The following NDUFB5 variants were observed in gnomAD, a reference collection of about 807,000 sequenced individuals.
The protein encoded by NDUFB5 is NADH:ubiquinone oxidoreductase subunit B5, also known as NADH dehydrogenase [ubiquinone] 1 beta subcomplex subunit 5, mitochondrial.
In NDUFB5, 19 loss-of-function variants were observed where a neutral mutation model predicts 19.4. The ratio of observed to expected loss-of-function variants is 0.98; its 90% CI spans 0.68 to 1.43. The LOEUF is 1.43. NDUFB5 is among the 40% of genes most tolerant of loss of function. The pLI is 0.00. For synonymous variants in NDUFB5, 80 were observed against 82.6 expected, an observed-to-expected ratio of 0.97 and a Z score of 0.17; for missense variants, 233 against 236.5, an observed-to-expected ratio of 0.99 and a Z score of 0.10.
chr3:179,606,378 G>T lies in NDUFB5; in HGVS notation c.124+1439G>T, dbSNP rs182583200. Among the ~76,000 whole-genome samples the T allele has an allele frequency of 3.6e-3, 541 of 151,532 alleles. 3 individuals are homozygous for T. Among genetic ancestry groups the T allele is most frequent in the South Asian group, 0.018 (84 of 4,792 alleles). ...TTTCAAGACGGAGTCTTGCTCTGTT[G>T]CCCAGGCTGGAGTGCAATGGCGTGA... is the stretch of plus-strand genomic sequence containing the variant. On this transcript the variant is annotated intron_variant, in intron 1 of 5. Transcript: ENST00000259037.
At chr3:179,612,480 T>C (rs1484431049) in intron 1 of NDUFB5, among the ~76,000 whole-genome samples, 1 of 147,914 alleles carries the variant, frequency 6.8e-6, no homozygotes, top group Non-Finnish European at 1.5e-5. Context: ...TAAACCTTTT[T>C]TTTTTTTTTT....
chr3:179,621,496 C>CTTTTTTTT (rs35414472), intron 5 of NDUFB5, among the ~76,000 whole-genome samples: 3 of 130,590 alleles, frequency 2.3e-5, no homozygotes, highest in Admixed American at 7.9e-5. Flanking sequence ...TTTTCTTTTT[C>CTTTTTTTT]TTTTTTTTTT....
Position 179,604,947 on chromosome 3 carries a change from C to T in NDUFB5, c.124+8C>T, listed in dbSNP as rs760678069. The T allele has an allele frequency of 1.9e-6, 3 of 1,572,556 alleles. No individual in the cohort carries two copies. Among genetic ancestry groups the T allele is most frequent in the Non-Finnish European group, 2.6e-6 (3 of 1,165,160 alleles). ...GCTTTCCGAAGGCTGCTGGTGGGTG[C>T]TGGCCTAGGGAGAACGGGCGTGAAG... On this transcript the variant is annotated splice_region_variant and intron_variant, in intron 1 of 5. Transcript: ENST00000259037.
intron 1 of NDUFB5, among the ~76,000 whole-genome samples, chr3:179,606,325 G>A (rs1290589134): frequency 6.6e-6 from 1 of 152,064 alleles, no homozygotes; most frequent in African/African-American, 2.4e-5. Flanking sequence ...CCTGTTACGT[G>A]TCAAGCATCC....
At chr3:179,619,153 A>G (rs2108401701) in intron 5 of NDUFB5, among the ~76,000 whole-genome samples, 1 of 149,096 alleles carries the variant, frequency 6.7e-6, no homozygotes. Flanking sequence ...TTAAAAAGCT[A>G]GACACATATA....
chr3:179,608,177 G>GTT (rs1190959483), intron 1 of NDUFB5, among the ~76,000 whole-genome samples: 2 of 146,304 alleles, frequency 1.4e-5, no homozygotes, highest in East Asian at 2.0e-4. Context: ...GAGGAAGAGA[G>GTT]TTTTTTTTTT....
chr3:179,621,095 C>T (rs571141819), intron 5 of NDUFB5, among the ~76,000 whole-genome samples: 18 of 152,012 alleles, frequency 1.2e-4, no homozygotes, highest in Admixed American at 4.6e-4. Context: ...TCCCCCCGCC[C>T]GAGACAAAGT....
intron 1 of NDUFB5, among the ~76,000 whole-genome samples, chr3:179,611,999 G>A (rs1009340095): frequency 2.0e-5 from 3 of 151,162 alleles, no homozygotes; most frequent in African/African-American, 7.3e-5. Context: ...TTTTTTTGAG[G>A]GGGAAGGGTC....
At chr3:179,623,144 A>C (rs1226471541) in intron 5 of NDUFB5, among the ~76,000 whole-genome samples, 1 of 152,232 alleles carries the variant, frequency 6.6e-6, no homozygotes, top group Non-Finnish European at 1.5e-5. Flanking sequence ...TTTCTGTCCT[A>C]ATGGTGATAG....
intron 5 of NDUFB5, among the ~76,000 whole-genome samples, chr3:179,622,710 A>G (rs572419349): frequency 2.6e-5 from 4 of 152,202 alleles, no homozygotes; most frequent in African/African-American, 4.8e-5. Flanking sequence ...AATCCTTCAA[A>G]AAAGATCAAT....
intron 3 of NDUFB5, 45 bp from the exon 4 acceptor site, chr3:179,616,938 A>T: frequency 7.0e-7 from 1 of 1,433,308 alleles, no homozygotes. Context: ...TTAATTTTAT[A>T]AACTCCTCAT....
At position 179,618,561 on chromosome 3, in the gene NDUFB5, C is replaced by T. The variant is rs367703694; in HGVS notation, c.449+40C>T. The T allele has an allele frequency of 5.1e-5, 69 of 1,355,266 alleles. No homozygotes were observed. The African/African-American group carries it at 9.6e-4, about 19-fold the overall frequency. 84.0% of individuals were successfully genotyped at this position (1,355,266 alleles called of 1,614,324 possible). On this transcript the variant is annotated intron_variant, in intron 5 of 5. Transcript: ENST00000259037. ...GGGGTAGGTGGGAAAGAAAATCTTC[C>T]TAAGGTAGCAAACCACCAGAAAAAA...
At chr3:179,605,845 G>T (rs1460351558) in intron 1 of NDUFB5, among the ~76,000 whole-genome samples, 1 of 150,822 alleles carries the variant, frequency 6.6e-6, no homozygotes, top group African/African-American at 2.4e-5. Flanking sequence ...AGGCTGGAGT[G>T]CAGTGGCACC....
intron 1 of NDUFB5, among the ~76,000 whole-genome samples, chr3:179,613,486 C>G (rs187790735): frequency 6.6e-6 from 1 of 152,232 alleles, no homozygotes; most frequent in Non-Finnish European, 1.5e-5. Flanking sequence ...GTATATAGTT[C>G]TAGCATAGGA....
At chr3:179,619,706 A>G (rs1719478388) in intron 5 of NDUFB5, among the ~76,000 whole-genome samples, 1 of 152,212 alleles carries the variant, frequency 6.6e-6, no homozygotes. Context: ...TCCTTTGGGT[A>G]TATACCCAGT....
chr3:179,604,987 G>C, intron 1 of NDUFB5, 48 bp downstream of exon 1: 2 of 1,500,270 alleles, frequency 1.3e-6, no homozygotes, highest in East Asian at 4.7e-5. Context: ...TGCGGGGCGA[G>C]AAAAGGGAGG....
chr3:179,619,306 C>A (rs1010862073), intron 5 of NDUFB5, among the ~76,000 whole-genome samples: 2 of 150,336 alleles, frequency 1.3e-5, no homozygotes, highest in African/African-American at 4.9e-5. Flanking sequence ...CCCATTAACT[C>A]ATTATTTAAC....
intron 1 of NDUFB5, among the ~76,000 whole-genome samples, chr3:179,608,900 G>A (rs1399636782): frequency 2.0e-5 from 3 of 152,152 alleles, no homozygotes; most frequent in Non-Finnish European, 4.4e-5. Flanking sequence ...TCGAACTCCT[G>A]TCCTCAAGTG....
At chr3:179,615,247 T>C (rs189690133) in intron 2 of NDUFB5, 188 bp downstream of exon 2, 650 of 380,140 alleles carry the variant, frequency 1.7e-3, no homozygotes, top group Admixed American at 2.6e-3. Flanking sequence ...AGTGAAGCTT[T>C]CCTTCTTCAC....
Sources: allele counts gnomAD v4.1 joint callset (sites outside exome capture counted in the v4.1 genomes callset), GRCh38; gene constraint gnomAD v4.1.1; transcripts MANE v1.5; gene names NCBI Gene and HGNC (gene_info 2026-07-23, HGNC 2026-07-21).